GRM7: variants seen among roughly 807,000 people sequenced by gnomAD.
GRM7 encodes the protein metabotropic glutamate receptor 7.
In GRM7, 35 loss-of-function variants were observed where a neutral mutation model predicts 84.5. That is an observed-to-expected ratio of 0.41 (90% CI 0.32 to 0.55). GRM7 has a LOEUF of 0.55. Among genes scored for constraint, GRM7 ranks in the 20% least tolerant of loss-of-function variants. GRM7 has a pLI of 0.19. For synonymous variants in GRM7, 487 were observed against 455.1 expected, an observed-to-expected ratio of 1.07 and a Z score of -0.89; for missense variants, 1,003 against 1,194.6, an observed-to-expected ratio of 0.84 and a Z score of 2.36.
intron 2 of GRM7, among the ~76,000 whole-genome samples, chr3:7,291,250 C>A (rs1699609720): frequency 6.6e-6 from 1 of 152,018 alleles, no homozygotes; most frequent in African/African-American, 2.4e-5. Context: ...AGAAAACTGA[C>A]TGCCGCGAGC....
intron 8 of GRM7, among the ~76,000 whole-genome samples, chr3:7,596,287 G>A (rs1021994802): frequency 6.6e-6 from 1 of 152,064 alleles, no homozygotes; most frequent in Non-Finnish European, 1.5e-5. Context: ...GCAGGAAAGA[G>A]GCAACTTCGG....
chr3:7,107,751 G>A (rs1449216940), intron 1 of GRM7, among the ~76,000 whole-genome samples: 1 of 152,062 alleles, frequency 6.6e-6, no homozygotes, highest in Non-Finnish European at 1.5e-5. Context: ...GAGCTTTAGA[G>A]AAGAAAGGGT....
chr3:7,493,036 A>C (rs1171828620), intron 7 of GRM7, among the ~76,000 whole-genome samples: 2 of 151,918 alleles, frequency 1.3e-5, no homozygotes, highest in East Asian at 3.9e-4. Context: ...GTTCTAGAGC[A>C]CTCTGCATGA....
At chr3:7,269,960 G>T (rs6763969) in intron 2 of GRM7, among the ~76,000 whole-genome samples, 131,618 of 152,206 alleles carry the variant, frequency 0.86, 57,032 homozygotes, top group East Asian at 0.97. Flanking sequence ...ATTCCTACAC[G>T]TCCTTTAGAT....
intron 8 of GRM7, among the ~76,000 whole-genome samples, chr3:7,611,786 T>C (rs1420139156): frequency 6.6e-6 from 1 of 152,072 alleles, no homozygotes; most frequent in African/African-American, 2.4e-5. Flanking sequence ...GTGACCTACA[T>C]ATGCCCATTA....
At chr3:7,209,545 A>G in intron 2 of GRM7, among the ~76,000 whole-genome samples, 1 of 152,224 alleles carries the variant, frequency 6.6e-6, no homozygotes, top group East Asian at 1.9e-4. Context: ...AAGCTTTAAA[A>G]GAAGATGCAG....
intron 4 of GRM7, among the ~76,000 whole-genome samples, chr3:7,368,653 G>T (rs1370384696): frequency 6.6e-6 from 1 of 152,094 alleles, no homozygotes; most frequent in African/African-American, 2.4e-5. Context: ...GCCAGATTTA[G>T]ATCAATTTAC....
At chr3:7,474,913 G>A (rs1305162659) in intron 7 of GRM7, among the ~76,000 whole-genome samples, 1 of 152,142 alleles carries the variant, frequency 6.6e-6, no homozygotes, top group Non-Finnish European at 1.5e-5. Context: ...CGTATACTTA[G>A]GAATGATTTT....
intron 5 of GRM7, among the ~76,000 whole-genome samples, chr3:7,417,511 C>G (rs903136202): frequency 6.6e-6 from 1 of 152,066 alleles, no homozygotes; most frequent in Non-Finnish European, 1.5e-5. Flanking sequence ...GGAAAGGTAA[C>G]CTGGTTGCAT....
intron 1 of GRM7, among the ~76,000 whole-genome samples, chr3:6,910,794 A>G (rs1330289934): frequency 6.6e-6 from 1 of 152,162 alleles, no homozygotes; most frequent in Non-Finnish European, 1.5e-5. Flanking sequence ...ACAGTTGAAG[A>G]TGGGTAATCT....
chr3:7,191,544 T>C (rs540888488), intron 2 of GRM7, among the ~76,000 whole-genome samples: 3 of 151,802 alleles, frequency 2.0e-5, no homozygotes, highest in Non-Finnish European at 4.4e-5. Flanking sequence ...ACAAACAAAC[T>C]TGGAATACTG....
In GRM7 at chr3:7,187,212, C is replaced by G. The variant is rs935108547; in HGVS notation, c.736+40544C>G. Among the ~76,000 whole-genome samples the G allele has an allele frequency of 1.2e-4, 18 of 152,084 alleles. No homozygotes were observed. In the East Asian group the frequency reaches 3.5e-3, roughly 29 times the overall value. On this transcript the variant is annotated intron_variant, in intron 2 of 9. Transcript: ENST00000357716. ...TGCAGGAAGTGAGAACACACACACA[C>G]ACACACACACACAAAATCTTGTCCT...
chr3:7,417,312 C>T (rs1385885535), intron 5 of GRM7, among the ~76,000 whole-genome samples: 1 of 152,064 alleles, frequency 6.6e-6, no homozygotes, highest in African/African-American at 2.4e-5. Flanking sequence ...GAGGTAGATA[C>T]TGTTACCATT....
At chr3:7,073,661 G>A (rs1697960810) in intron 1 of GRM7, among the ~76,000 whole-genome samples, 1 of 152,144 alleles carries the variant, frequency 6.6e-6, no homozygotes, top group Non-Finnish European at 1.5e-5. Flanking sequence ...ACTGCTGATA[G>A]TTTATGCTAA....
chr3:6,960,992 C>T (rs1402279696), intron 1 of GRM7, among the ~76,000 whole-genome samples: 1 of 152,090 alleles, frequency 6.6e-6, no homozygotes, highest in African/African-American at 2.4e-5. Flanking sequence ...TTGCTTGCAG[C>T]CTTCTGTTTT....
At chr3:7,360,553 A>G (rs1693616212) in intron 4 of GRM7, among the ~76,000 whole-genome samples, 1 of 152,118 alleles carries the variant, frequency 6.6e-6, no homozygotes, top group Admixed American at 6.6e-5. Context: ...GTGCTCATCA[A>G]TATCTTTATT....
intron 1 of GRM7, among the ~76,000 whole-genome samples, chr3:7,031,486 G>A (rs1035235531): frequency 1.3e-5 from 2 of 151,488 alleles, no homozygotes; most frequent in African/African-American, 2.4e-5. Flanking sequence ...GCCTGATCTC[G>A]GCTCACTGCA....
chr3:7,447,952 A>G (rs183210953), intron 5 of GRM7, among the ~76,000 whole-genome samples: 1,964 of 122,494 alleles, frequency 0.016, 54 homozygotes, highest in African/African-American at 0.053. Context: ...TCCTGTGTCC[A>G]TGTGTTCTCA....
Position 7,730,064 on chromosome 3 carries a change from A to G in GRM7, c.2699-10293A>G, listed in dbSNP as rs189678497. On this transcript the variant is annotated intron_variant, in intron 9 of 9. Transcript: ENST00000357716. The stretch of plus-strand genomic sequence containing the variant: ...TAATTTTTGTATTTTTAGTAGAGAC[A>G]GGGTTTCACCATGTTGGACAGGCTG... Among the ~76,000 whole-genome samples, 187 of 149,294 alleles carry G rather than the reference A, an allele frequency of 1.3e-3. 4 individuals are homozygous for G. In the East Asian group the frequency reaches 0.034, roughly 27 times the overall value.
Sources: allele counts gnomAD v4.1 joint callset (sites outside exome capture counted in the v4.1 genomes callset), GRCh38; gene constraint gnomAD v4.1.1; transcripts MANE v1.5; gene names NCBI Gene and HGNC (gene_info 2026-07-23, HGNC 2026-07-21).